Variants in TTC17 observed in about 807,000 individuals in gnomAD.
TTC17 encodes the protein tetratricopeptide repeat domain 17.
In TTC17, 58 loss-of-function variants were observed where a neutral mutation model predicts 143.8. The observed-to-expected ratio is 0.40, with a 90% CI of 0.33 to 0.50. The LOEUF is 0.50. Ranked by LOEUF, TTC17 falls within the 20% of genes least tolerant of loss-of-function variation. The pLI is 0.49. For synonymous variants in TTC17, 501 were observed against 497.8 expected (o/e 1.01, Z -0.09); for missense variants, 1,273 against 1,392.5 (o/e 0.91, Z 1.37).
At chr11:43,484,054 A>C (rs530777274) in intron 21 of TTC17, among the ~76,000 whole-genome samples, 1 of 152,288 alleles carries the variant, frequency 6.6e-6, no homozygotes, top group East Asian at 1.9e-4. Flanking sequence ...AGGCAGAAGA[A>C]TCACTTGAAC....
At chr11:43,379,458 A>ATGTGTGTG (rs72448738) in intron 2 of TTC17, 136 bp downstream of exon 2, 4 of 623,020 alleles carry the variant, frequency 6.4e-6, no homozygotes, top group Non-Finnish European at 1.1e-5. Flanking sequence ...ACTACCTGCA[A>ATGTGTGTG]TGTGTGTGTG....
chr11:43,359,705 G>A (rs1367419387), intron 1 of TTC17, among the ~76,000 whole-genome samples: 1 of 152,218 alleles, frequency 6.6e-6, no homozygotes, highest in African/African-American at 2.4e-5. Context: ...CCCTTCAGAA[G>A]GAATGCTTGA....
chr11:43,431,329 A>G (rs2134682145), intron 16 of TTC17, among the ~76,000 whole-genome samples: 1 of 152,236 alleles, frequency 6.6e-6, no homozygotes, highest in East Asian at 1.9e-4. Context: ...CTAGTTCTAG[A>G]TCCTTGAGGA....
At chr11:43,407,853 C>T (rs1183432750) in intron 15 of TTC17, among the ~76,000 whole-genome samples, 7 of 151,742 alleles carry the variant, frequency 4.6e-5, no homozygotes, top group Non-Finnish European at 8.8e-5. Context: ...AATATACTGC[C>T]GCTTTTTTAT....
intron 21 of TTC17, among the ~76,000 whole-genome samples, chr11:43,471,354 C>T (rs1431091735): frequency 6.6e-6 from 1 of 152,198 alleles, no homozygotes; most frequent in Non-Finnish European, 1.5e-5. Context: ...CAGAGCCAGC[C>T]GTCTGCTCCA....
At chr11:43,475,521 G>C (rs1948169277) in intron 21 of TTC17, among the ~76,000 whole-genome samples, 1 of 152,064 alleles carries the variant, frequency 6.6e-6, no homozygotes, top group African/African-American at 2.4e-5. Context: ...TTTAAATAGA[G>C]ACAAGGTCTT....
At chr11:43,402,656 T>A (rs551327899) in intron 10 of TTC17, among the ~76,000 whole-genome samples, 1 of 152,304 alleles carries the variant, frequency 6.6e-6, no homozygotes, top group African/African-American at 2.4e-5. Context: ...ATTTTGGATT[T>A]CACATTTTTT....
Position 43,372,021 on chromosome 11 carries a change from A to G in TTC17, c.160-7212A>G, listed in dbSNP as rs563558555. ...CAGGAATTCAAGGTTACGGTGAACT[A>G]TGATCACACCAGTCCACTCTAGCCT... On this transcript the variant is annotated intron_variant, in intron 1 of 23. Transcript: ENST00000039989. 2.0e-5 allele frequency among the ~76,000 whole-genome samples: 3 copies of G among 152,308 alleles called. No individual in the cohort carries two copies. In the South Asian group the frequency reaches 6.2e-4, roughly 32 times the overall value.
chr11:43,449,818 C>T, intron 19 of TTC17: 1 of 390,754 alleles, frequency 2.6e-6, no homozygotes, highest in Non-Finnish European at 4.6e-6. Flanking sequence ...CTTTAGGTAA[C>T]TTTTTCTGTG....
chr11:43,437,710 T>C (rs532175403), intron 16 of TTC17, among the ~76,000 whole-genome samples: 19 of 152,214 alleles, frequency 1.2e-4, no homozygotes, highest in Non-Finnish European at 2.8e-4. Context: ...AATGTAGATA[T>C]AATTGCATCT....
In TTC17 at chr11:43,405,822, AG is replaced by A. The variant is rs1386931817; in HGVS notation, c.1633del (p.Glu545LysfsTer10). On this transcript the variant is annotated frameshift_variant, in exon 13 of 24. Coordinates refer to ENST00000039989, the MANE Select transcript of TTC17 (RefSeq NM_018259.6). LOFTEE classifies it high-confidence loss of function. ...ELSSDDYSTE[E>X]EAQTPDCSIT... is the part of the protein sequence containing the mutation. ...TCAGCAGTGATGATTATTCTACAGA[AG>A]AAGAGGCCCAAACCCCTGACTGTTC... 1 of 1,614,072 alleles carries A rather than the reference AG, an allele frequency of 6.2e-7. No individual in the cohort carries two copies. Among genetic ancestry groups the A allele is most frequent in the African/African-American group, 1.3e-5 (1 of 75,024 alleles).
intron 16 of TTC17, among the ~76,000 whole-genome samples, chr11:43,422,437 C>T (rs745372501): frequency 1.7e-4 from 26 of 151,928 alleles, no homozygotes; most frequent in African/African-American, 2.7e-4. Context: ...GGGTCATGGA[C>T]GTATGTATTT....
rs189942112 is a variant in TTC17 at position 43,404,071 on chromosome 11, A to G, written c.1406A>G (p.Asn469Ser). Residue 469 changes from asparagine to serine, a missense_variant, in exon 11 of 24, where the codon AAT (asparagine) becomes AGT (serine). Physicochemically the swap from Asn to Ser is conservative, Grantham distance 46. This residue lies in a region of TTC17 where 878 missense variants were observed against 899.8 expected (regional missense o/e 0.98). Coordinates refer to ENST00000039989, the MANE Select transcript of TTC17 (RefSeq NM_018259.6). ...FDVQSNQSDI[N>S]DSVKSSPVAH... ...GTTCAATCAAATCAGAGTGATATCAATGATTCGGTCAAGTCTTCTCCCGTA... is the reference window on the plus strand; with the variant it reads ...GTTCAATCAAATCAGAGTGATATCAGTGATTCGGTCAAGTCTTCTCCCGTA... 2.8e-5 allele frequency: 45 copies of G among 1,613,380 alleles called. No homozygotes were observed. In the Middle Eastern group the frequency reaches 2.5e-3, roughly 89 times the overall value.
intron 1 of TTC17, among the ~76,000 whole-genome samples, chr11:43,362,367 A>G (rs1318847694): frequency 6.6e-6 from 1 of 152,066 alleles, no homozygotes; most frequent in East Asian, 1.9e-4. Flanking sequence ...GAGAGATGAA[A>G]ATTCATTTGA....
intron 1 of TTC17, among the ~76,000 whole-genome samples, chr11:43,367,420 G>A (rs1040304009): frequency 2.2e-4 from 33 of 152,140 alleles, no homozygotes; most frequent in African/African-American, 7.7e-4. Flanking sequence ...AAGATAAGCA[G>A]AAGAAAATAA....
chr11:43,366,853 A>C (rs999763122), intron 1 of TTC17, among the ~76,000 whole-genome samples: 1 of 152,026 alleles, frequency 6.6e-6, no homozygotes, highest in Non-Finnish European at 1.5e-5. Flanking sequence ...AGCATCCCCA[A>C]ATATGCCGTG....
chr11:43,473,229 C>T (rs1948123950), intron 21 of TTC17, among the ~76,000 whole-genome samples: 1 of 151,176 alleles, frequency 6.6e-6, no homozygotes, highest in Non-Finnish European at 1.5e-5. Context: ...AAGCACTACA[C>T]CTCTAAATAA....
intron 15 of TTC17, among the ~76,000 whole-genome samples, chr11:43,410,900 A>G (rs1313279842): frequency 6.6e-6 from 1 of 152,200 alleles, no homozygotes; most frequent in Non-Finnish European, 1.5e-5. Context: ...TTCTGTTTTC[A>G]AAATATACCT....
intron 2 of TTC17, among the ~76,000 whole-genome samples, chr11:43,382,990 C>G (rs1380485913): frequency 6.6e-6 from 1 of 151,896 alleles, no homozygotes; most frequent in Non-Finnish European, 1.5e-5. Flanking sequence ...GCTTCAACTT[C>G]CTGGGCTCAT....
Sources: gnomAD v4.1 joint callset for allele counts (sites outside exome capture counted in the v4.1 genomes callset) on GRCh38, gnomAD v4.1.1 for gene constraint, gnomAD v4.1.1 regional missense constraint, MANE v1.5 for transcripts, NCBI Gene and HGNC (gene_info 2026-07-23, HGNC 2026-07-21) for gene names.